Variants in AKAP9 observed in about 807,000 individuals in gnomAD.
AKAP9 encodes A-kinase anchoring protein 9, also known as A-kinase anchor protein 9.
In AKAP9, 311 loss-of-function variants were observed where a neutral mutation model predicts 488.5. The observed-to-expected ratio is 0.64, with a 90% confidence interval of 0.58 to 0.70. The LOEUF is 0.70. Ranked by LOEUF, AKAP9 falls within the 30% of genes least tolerant of loss-of-function variation. The pLI, the probability that AKAP9 is intolerant of heterozygous loss-of-function variation, is 0.00. For synonymous variants in AKAP9, 1,462 were observed against 1,483.5 expected (o/e 0.99, Z 0.33); for missense variants, 4,215 against 4,374.5 (o/e 0.96, Z 1.03).
intron 1 of AKAP9, among the ~76,000 whole-genome samples, chr7:91,963,605 C>T (rs1395170290): frequency 2.6e-5 from 4 of 151,982 alleles, no homozygotes; most frequent in African/African-American, 9.7e-5. Flanking sequence ...GCAAGCTCCG[C>T]CTCCCGGATT....
rs531467009 is a variant in AKAP9 at position 92,092,659 on chromosome 7, G to GT, written c.9359-431dup. 1.0e-3 allele frequency: 161 copies of GT among 156,762 alleles called. 3 individuals carry two copies. The East Asian group carries it at 0.022, about 21-fold the overall frequency. The allele number at this position is 156,762 out of a possible 1,614,324, so 9.7% of individuals were successfully genotyped here. On this transcript the variant is annotated intron_variant, in intron 38 of 49. Coordinates refer to ENST00000356239, the MANE Select transcript of AKAP9 (RefSeq NM_005751.5). ...TATACGTTACCAACCCTTTTTGTTT[G>GT]TTTTTTTGAGACAGGGTCTCACTGT...
rs143967328 is a variant in AKAP9, at chr7:92,105,695, G to A, written c.11348G>A (p.Arg3783Gln). The stretch of plus-strand genomic sequence containing the variant: ...TTTTTTAGAATGAAATTTTTGGTTC[G>A]ACGGTGGCATCGAGTCACAGGTTCT... ...IAISRMKFLV[R>Q]RWHRVTGSVS... The change falls in exon 47 of 50, where the codon CGA becomes CAA. Residue 3783 changes from arginine to glutamine, a missense_variant. By Grantham distance (43) the Arg-to-Gln change is conservative. Around this residue, in one of 5 missense-constraint regions of AKAP9, gnomAD observed 253 missense variants for 266.8 expected, o/e 0.95. Transcript: ENST00000356239. 48 of 1,613,962 alleles carry A rather than the reference G, an allele frequency of 3.0e-5. No individual in the cohort carries two copies. Among genetic ancestry groups the A allele is most frequent in the Middle Eastern group, 1.6e-4 (1 of 6,076 alleles).
chr7:92,064,356 T>C (rs1377531341), intron 24 of AKAP9, among the ~76,000 whole-genome samples: 2 of 152,080 alleles, frequency 1.3e-5, no homozygotes, highest in Non-Finnish European at 2.9e-5. Flanking sequence ...ATTTTCTTCA[T>C]TAGAAGATTG....
intron 31 of AKAP9, among the ~76,000 whole-genome samples, chr7:92,081,476 T>C (rs1659308482): frequency 1.9e-5 from 1 of 51,832 alleles, no homozygotes; most frequent in African/African-American, 4.9e-5. Context: ...GGCTAATTTA[T>C]ATATATATAT....
Position 92,002,661 on chromosome 7 carries a change from C to T in AKAP9, c.2744C>T (p.Ser915Phe). The change falls in exon 8 of 50, where the codon TCT becomes TTT. Residue 915 changes from serine to phenylalanine, a missense_variant. Around this residue, in one of 5 missense-constraint regions of AKAP9, gnomAD observed 2,361 missense variants for 2,430.0 expected, o/e 0.97. Coordinates refer to ENST00000356239, the MANE Select transcript of AKAP9 (RefSeq NM_005751.5). ...INPTTVKMKS[S>F]VFDEDKTFVA... The stretch of plus-strand genomic sequence containing the variant: ...CCAACTACAGTGAAAATGAAAAGTT[C>T]TGTCTTTGATGAAGACAAAACTTTT... The T allele has an allele frequency of 3.1e-6, 5 of 1,613,270 alleles. No individual in the cohort carries two copies. Among genetic ancestry groups the T allele is most frequent in the Non-Finnish European group, 4.2e-6 (5 of 1,179,592 alleles).
rs1816694087 is a variant in AKAP9, at chr7:92,096,930, C to T, written c.9971C>T (p.Ala3324Val). The change falls in exon 41 of 50, where the codon GCA (alanine) becomes GTA (valine). Residue 3324 changes from alanine (A) to valine (V), a missense_variant. Physicochemically the swap from Ala to Val is moderately conservative, Grantham distance 64. Around this residue, in one of 5 missense-constraint regions of AKAP9, gnomAD observed 1,476 missense variants for 1,477.4 expected, o/e 1.00. Coordinates refer to ENST00000356239, the MANE Select transcript of AKAP9 (RefSeq NM_005751.5). ...CTAGATAGGGAGCGGGAATTGCACG[C>T]ACAGCTGCAGAGCAGTGATGGTACT... ...STLDRERELH[A>V]QLQSSDGTGQ... 1 of 1,614,190 alleles carries T rather than the reference C, an allele frequency of 6.2e-7. No homozygotes were observed. Among genetic ancestry groups the T allele is most frequent in the South Asian group, 1.1e-5 (1 of 91,086 alleles).
intron 21 of AKAP9, among the ~76,000 whole-genome samples, chr7:92,048,490 A>T (rs1475210957): frequency 1.3e-5 from 2 of 152,206 alleles, no homozygotes; most frequent in Non-Finnish European, 2.9e-5. Context: ...GTGTTGAAAA[A>T]AAAATTTCCT....
In AKAP9 at chr7:91,992,936, A is replaced by C; in HGVS notation, c.457A>C (p.Ser153Arg). 6.2e-7 allele frequency: 1 copy of C among 1,614,130 alleles called. No individual in the cohort carries two copies. Among genetic ancestry groups the C allele is most frequent in the Non-Finnish European group, 8.5e-7 (1 of 1,179,992 alleles). ...DSYSEQGAQDSPTHLEMMESE... is the reference protein window; with the variant it reads ...DSYSEQGAQDRPTHLEMMESE... ...TTATTCTGAACAAGGAGCACAAGAC[A>C]GTCCGACTCATCTAGAGATGATGGA... The change falls in exon 5 of 50, where the codon AGT (serine) becomes CGT (arginine). Residue 153 changes from serine to arginine, a missense_variant. Physicochemically the swap from Ser to Arg is moderately radical, Grantham distance 110. Coordinates refer to ENST00000356239, the MANE Select transcript of AKAP9 (RefSeq NM_005751.5).
intron 21 of AKAP9, among the ~76,000 whole-genome samples, chr7:92,052,488 A>T (rs920544580): frequency 6.6e-6 from 1 of 152,098 alleles, no homozygotes; most frequent in Non-Finnish European, 1.5e-5. Flanking sequence ...AAAAATACTG[A>T]ATTACCCACA....
chr7:92,041,954 T>C, intron 18 of AKAP9, 92 bp from the exon 19 acceptor site: 1 of 1,379,364 alleles, frequency 7.2e-7, no homozygotes, highest in Non-Finnish European at 1.0e-6. Context: ...CAGGGCCTGT[T>C]GGTCCCGGGG....
chr7:92,070,844 A>C, intron 27 of AKAP9, 61 bp from the exon 28 acceptor site: 1 of 1,305,060 alleles, frequency 7.7e-7, no homozygotes, highest in South Asian at 1.3e-5. Flanking sequence ...AAAAACAAAA[A>C]AAAACTGGAT....
At chr7:92,075,332 A>T (rs1275414876) in intron 28 of AKAP9, among the ~76,000 whole-genome samples, 1 of 152,282 alleles carries the variant, frequency 6.6e-6, no homozygotes, top group Non-Finnish European at 1.5e-5. Context: ...CCTTGTCATC[A>T]AAGTAGTTAC....
intron 8 of AKAP9, among the ~76,000 whole-genome samples, chr7:92,005,043 G>A (rs938339811): frequency 2.0e-5 from 3 of 152,094 alleles, no homozygotes; most frequent in African/African-American, 4.8e-5. Context: ...GTTGAATTTT[G>A]TCCAAGGCCT....
intron 22 of AKAP9, among the ~76,000 whole-genome samples, chr7:92,059,685 T>C (rs1707039161): frequency 6.7e-6 from 1 of 149,202 alleles, no homozygotes; most frequent in African/African-American, 2.5e-5. Context: ...AGATAGTCAT[T>C]ATGTAATGAA....
At chr7:92,016,768 A>G (rs1237699946) in intron 11 of AKAP9, among the ~76,000 whole-genome samples, 2 of 152,146 alleles carry the variant, frequency 1.3e-5, no homozygotes, top group Non-Finnish European at 2.9e-5. Context: ...GTCCATTTGT[A>G]TAATGAACAA....
In AKAP9 at chr7:92,110,472, G is replaced by A. The variant is rs1819158930; in HGVS notation, c.*313G>A. The A allele has an allele frequency of 2.6e-6, 1 of 386,920 alleles. No individual in the cohort carries two copies. Among genetic ancestry groups the A allele is most frequent in the Admixed American group, 4.2e-5 (1 of 23,766 alleles). 24.0% of individuals were successfully genotyped at this position (386,920 alleles called of 1,614,324 possible). A position where few individuals can be genotyped will look rare whatever the true frequency, so the allele number is the denominator to read the frequency against. On this transcript the variant is annotated 3_prime_UTR_variant, in exon 50 of 50. Transcript: ENST00000356239. ...TTAAACTTTTACGCATTACAATACT[G>A]CTGAATGTGTAGCTCGAGGTGTCCT...
chr7:91,961,581 A>G (rs1468692722), intron 1 of AKAP9, among the ~76,000 whole-genome samples: 1 of 151,984 alleles, frequency 6.6e-6, no homozygotes, highest in African/African-American at 2.4e-5. Flanking sequence ...GTGGTGGCTC[A>G]CGCCTGTAAT....
At chr7:92,089,922 ACAGAAAATT>A (rs1268785245) in intron 38 of AKAP9, 1 of 176,220 alleles carries the variant, frequency 5.7e-6, no homozygotes, top group Non-Finnish European at 1.2e-5. Flanking sequence ...GCCATAACAT[ACAGAAAATT>A]ACAAATTGCA....
Position 91,962,207 on chromosome 7 carries a change from G to A in AKAP9, c.49-11504G>A, listed in dbSNP as rs549063979. Among the ~76,000 whole-genome samples the A allele has an allele frequency of 1.3e-5, 2 of 152,078 alleles. 1 individual carries two copies. Among genetic ancestry groups the A allele is most frequent in the South Asian group, 4.1e-4 (2 of 4,824 alleles). ...CCATTTTTCAGATTGAGAGTAAATA[G>A]CTTAAATATCTATTAGTATAAGAAA... On this transcript the variant is annotated intron_variant, in intron 1 of 49. Coordinates refer to ENST00000356239, the MANE Select transcript of AKAP9 (RefSeq NM_005751.5).
Sources: allele counts gnomAD v4.1 joint callset (sites outside exome capture counted in the v4.1 genomes callset), GRCh38; gene constraint gnomAD v4.1.1; regional missense constraint gnomAD v4.1.1; transcripts MANE v1.5; gene names NCBI Gene and HGNC (gene_info 2026-07-23, HGNC 2026-07-21).